Variants in HPD observed in about 807,000 individuals in gnomAD.
HPD encodes the protein 4-hydroxyphenylpyruvate dioxygenase.
A neutral mutation model predicts 56.9 loss-of-function variants in HPD; 35 were observed. The observed-to-expected ratio is 0.62, with a 90% CI of 0.47 to 0.82. HPD has a LOEUF of 0.82. Among genes scored for constraint, HPD ranks in the 40% least tolerant of loss-of-function variants. The pLI is 0.00. For synonymous variants in HPD, 186 were observed against 200.2 expected, an observed-to-expected ratio of 0.93 and a Z score of 0.60; for missense variants, 442 against 506.8, an observed-to-expected ratio of 0.87 and a Z score of 1.23.
chr12:121,847,529 T>G (rs1592918018), intron 9 of HPD, among the ~76,000 whole-genome samples: 1 of 152,136 alleles, frequency 6.6e-6, no homozygotes, highest in East Asian at 1.9e-4. Flanking sequence ...TGGATAATTT[T>G]GGGGTATTTT....
the HPD span, among the ~76,000 whole-genome samples, chr12:121,878,456 C>A: frequency 3.3e-5 from 5 of 152,164 alleles, no homozygotes; most frequent in Admixed American, 3.3e-4. Context: ...TCAAGCAATT[C>A]TCCTGCCTCA....
chr12:121,847,305 G>C, intron 9 of HPD, 91 bp from the exon 10 acceptor site: 1 of 1,219,302 alleles, frequency 8.2e-7, no homozygotes, highest in Non-Finnish European at 1.2e-6. Flanking sequence ...CTGTCCCTGA[G>C]CAGGCTCCAG....
the HPD span, among the ~76,000 whole-genome samples, chr12:121,885,119 G>C: frequency 1.3e-5 from 2 of 151,852 alleles, no homozygotes; most frequent in African/African-American, 4.8e-5. Context: ...TCAAACTCCT[G>C]ACCTCAAGTG....
At chr12:121,856,770 A>T (rs1878017505) in intron 4 of HPD, 145 bp from the exon 5 acceptor site, 1 of 753,282 alleles carries the variant, frequency 1.3e-6, no homozygotes, top group Non-Finnish European at 2.3e-6. Context: ...TCTCTGCCTT[A>T]GTTTCCCACA....
At chr12:121,875,839 G>C in the HPD span, among the ~76,000 whole-genome samples, 8 of 152,114 alleles carry the variant, frequency 5.3e-5, no homozygotes, top group Non-Finnish European at 7.3e-5. Context: ...GCACAGATGA[G>C]GCTGGGTACA....
chr12:121,877,898 G>T, the HPD span, among the ~76,000 whole-genome samples: 4 of 152,114 alleles, frequency 2.6e-5, no homozygotes, highest in Non-Finnish European at 5.9e-5. Context: ...TTAGCAATGT[G>T]AATTTTTATG....
the HPD span, among the ~76,000 whole-genome samples, chr12:121,881,936 G>A: frequency 3.4e-5 from 5 of 148,304 alleles, no homozygotes; most frequent in Non-Finnish European, 3.0e-5. Context: ...GTGAGCCACC[G>A]CGCCCAACCT....
At chr12:121,853,048 C>T (rs1038401505) in intron 7 of HPD, among the ~76,000 whole-genome samples, 1 of 152,136 alleles carries the variant, frequency 6.6e-6, no homozygotes, top group African/African-American at 2.4e-5. Context: ...AGCTGGAAGC[C>T]GTTATCCTCA....
Position 121,843,388 on chromosome 12 carries a change from G to T in HPD, c.954+322C>A, listed in dbSNP as rs958619988. The stretch of plus-strand genomic sequence containing the variant: ...CTCTGCCAGGAATGCCTTTCTTCCC[G>T]CTGTTCACATGGCCAGCTCCCGCTC... On this transcript the variant is annotated intron_variant, in intron 12 of 13. Coordinates refer to ENST00000289004, the MANE Select transcript of HPD (RefSeq NM_002150.3). Among the ~76,000 whole-genome samples the T allele has an allele frequency of 3.3e-5, 5 of 152,278 alleles. No individual in the cohort carries two copies. In the East Asian group the frequency reaches 9.7e-4, roughly 29 times the overall value.
At chr12:121,844,102 G>A (rs1190002106) in intron 11 of HPD, among the ~76,000 whole-genome samples, 1 of 152,086 alleles carries the variant, frequency 6.6e-6, no homozygotes, top group African/African-American at 2.4e-5. Context: ...CCAGGCTGGA[G>A]TGCAGTGGCA....
chr12:121,875,836 T>C, the HPD span, among the ~76,000 whole-genome samples: 1 of 152,098 alleles, frequency 6.6e-6, no homozygotes, highest in African/African-American at 2.4e-5. Context: ...AAAGCACAGA[T>C]GAGGCTGGGT....
the HPD span, among the ~76,000 whole-genome samples, chr12:121,871,652 T>C: frequency 6.6e-6 from 1 of 152,118 alleles, no homozygotes; most frequent in Non-Finnish European, 1.5e-5. Flanking sequence ...TCTCTTGAGG[T>C]ACAGAGCCCA....
In HPD at chr12:121,839,636, AC is replaced by A; in HGVS notation, c.*91del. ...GGGGCCGAGTCCGCTGGTGGGCGGG[AC>A]CCAAGGGGAGCAGCCAGTAGGGAAG... On this transcript the variant is annotated 3_prime_UTR_variant, in exon 14 of 14. Transcript: ENST00000289004. The A allele has an allele frequency of 3.2e-6, 3 of 944,058 alleles. No homozygotes were observed. Among genetic ancestry groups the A allele is most frequent in the Non-Finnish European group, 5.1e-6 (3 of 586,274 alleles). The allele number at this position is 944,058 out of a possible 1,614,324, so 58.5% of individuals were successfully genotyped here. A position where few individuals can be genotyped will look rare whatever the true frequency, so the allele number is the denominator to read the frequency against.
the HPD span, among the ~76,000 whole-genome samples, chr12:121,879,591 GC>G: frequency 2.0e-5 from 3 of 151,820 alleles, no homozygotes; most frequent in Admixed American, 6.6e-5. Flanking sequence ...GCTCAGTGCA[GC>G]CTTAAACTCC....
At chr12:121,840,519 C>T (rs1267251184) in intron 12 of HPD, among the ~76,000 whole-genome samples, 3 of 151,976 alleles carry the variant, frequency 2.0e-5, no homozygotes, top group Admixed American at 6.6e-5. Context: ...AGGCTGGTCT[C>T]GAACTCCTGA....
intron 9 of HPD, 99 bp downstream of exon 9, chr12:121,848,900 C>A: frequency 1.1e-6 from 1 of 929,358 alleles, no homozygotes; most frequent in Non-Finnish European, 1.8e-6. Flanking sequence ...GCCACTGCAC[C>A]CAGTCGTATT....
the HPD span, among the ~76,000 whole-genome samples, chr12:121,879,075 A>G: frequency 6.6e-6 from 1 of 151,746 alleles, no homozygotes. Context: ...GCCTGAGGTC[A>G]GGAGTTTGAG....
the HPD span, among the ~76,000 whole-genome samples, chr12:121,885,517 C>A: frequency 6.6e-6 from 1 of 151,456 alleles, no homozygotes; most frequent in African/African-American, 2.4e-5. Flanking sequence ...GTATTCTTTT[C>A]TGAACCATTT....
rs1877483008 is a variant in HPD at position 121,843,758 on chromosome 12, C to T, written c.906G>A (p.Lys302=). ...PSTYYKQLRE[K]LKTAKIKVKE... ...TCACCTTGATCTTGGCCGTCTTCAG[C>T]TTCTCCCGCAGTTGTTTGTAGTACG... is the stretch of plus-strand genomic sequence containing the variant. Residue 302 remains lysine (K), a synonymous_variant, in exon 12 of 14, where the codon AAG becomes AAA. Transcript: ENST00000289004. 3 of 1,614,200 alleles carry T rather than the reference C, an allele frequency of 1.9e-6. No individual in the cohort carries two copies. In the South Asian group the frequency reaches 3.3e-5, roughly 18 times the overall value.
Sources: gnomAD v4.1 joint callset for allele counts (sites outside exome capture counted in the v4.1 genomes callset) on GRCh38, gnomAD v4.1.1 for gene constraint, MANE v1.5 for transcripts, NCBI Gene and HGNC (gene_info 2026-07-23, HGNC 2026-07-21) for gene names.